Variants in CDON observed in about 807,000 individuals in gnomAD.
CDON encodes cell adhesion associated, oncogene regulated.
In CDON, 73 loss-of-function variants were observed where a neutral mutation model predicts 120.9. The observed-to-expected ratio is 0.60, with a 90% confidence interval of 0.50 to 0.73. The LOEUF is 0.73. Among genes scored for constraint, CDON ranks in the 30% least tolerant of loss-of-function variants. The pLI is 0.00. For missense variants in CDON, 1,470 were observed against 1,587.3 expected (o/e 0.93, Z 1.26); for synonymous variants, 566 against 573.5 (o/e 0.99, Z 0.19).
At chr11:126,003,792 C>T (rs185470540) in intron 10 of CDON, 110 bp downstream of exon 10, 7 of 1,024,384 alleles carry the variant, frequency 6.8e-6, no homozygotes, top group Non-Finnish European at 1.5e-6. Flanking sequence ...TGCACTCCAG[C>T]CTGCGTGACA....
At chr11:126,047,531 C>T (rs1005829189) in intron 1 of CDON, among the ~76,000 whole-genome samples, 2 of 152,196 alleles carry the variant, frequency 1.3e-5, no homozygotes, top group Admixed American at 1.3e-4. Context: ...AATAAAAGCA[C>T]TCCATCTCAA....
Position 126,015,365 on chromosome 11 carries a change from A to T in CDON, c.1074T>A (p.His358Gln). The T allele has an allele frequency of 1.2e-6, 2 of 1,614,166 alleles. No homozygotes were observed. The highest frequency in any genetic ancestry group is 1.7e-6 in the Non-Finnish European group (2 of 1,180,022). ...TTTTCAGTCCGTTTCCTGCAGTTAG[A>T]TGTCGTGCAGAAGGATGAATAGGCT... ...NAQPIHPSAR[H>Q]LTAGNGLKIS... Residue 358 changes from histidine to glutamine, a missense_variant, in exon 7 of 20, where the codon CAT (histidine) becomes CAA (glutamine). Transcript: ENST00000531738.
chr11:126,023,742 C>G, intron 1 of CDON, among the ~76,000 whole-genome samples: 1 of 152,198 alleles, frequency 6.6e-6, no homozygotes. Flanking sequence ...CTTCCAAGGT[C>G]CTAGGATATC....
intron 1 of CDON, among the ~76,000 whole-genome samples, chr11:126,041,412 C>A (rs11220321): frequency 0.089 from 13,593 of 152,140 alleles, 718 homozygotes; most frequent in Admixed American, 0.14. Flanking sequence ...CTCTAAGGAT[C>A]TGTAGCCAAA....
chr11:126,037,922 A>G (rs1441787030), intron 1 of CDON, among the ~76,000 whole-genome samples: 2 of 152,194 alleles, frequency 1.3e-5, no homozygotes, highest in Admixed American at 6.5e-5. Flanking sequence ...TTAAAAGTTT[A>G]TCTTACACTA....
chr11:126,023,944 C>T (rs1947709804), intron 1 of CDON, among the ~76,000 whole-genome samples: 1 of 152,168 alleles, frequency 6.6e-6, no homozygotes, highest in African/African-American at 2.4e-5. Context: ...TTACTATGTG[C>T]CAGACACCAT....
intron 1 of CDON, among the ~76,000 whole-genome samples, chr11:126,048,242 C>T (rs921210117): frequency 6.1e-5 from 9 of 148,642 alleles, no homozygotes; most frequent in African/African-American, 2.0e-4. Context: ...GACATCGCAC[C>T]ACTGCACTCC....
At chr11:126,059,392 C>T (rs1472952148) in intron 1 of CDON, among the ~76,000 whole-genome samples, 2 of 152,166 alleles carry the variant, frequency 1.3e-5, no homozygotes, top group Non-Finnish European at 2.9e-5. Context: ...GGGCTTTTCT[C>T]TTACAAGATA....
At chr11:125,973,016 G>GTTTTTTTTTT in intron 18 of CDON, among the ~76,000 whole-genome samples, 1 of 70,642 alleles carries the variant, frequency 1.4e-5, no homozygotes, top group Non-Finnish European at 2.8e-5. Context: ...CAATTACTTG[G>GTTTTTTTTTT]TCTTTTTTTT....
intron 7 of CDON, among the ~76,000 whole-genome samples, chr11:126,011,808 A>G (rs1486335966): frequency 1.3e-5 from 2 of 152,232 alleles, no homozygotes; most frequent in African/African-American, 4.8e-5. Context: ...TGTTTTCTTG[A>G]AAACCTTTTT....
In CDON at chr11:125,960,023, C is replaced by T. The variant is rs1945598721; in HGVS notation, c.*919G>A. On this transcript the variant is annotated 3_prime_UTR_variant, in exon 20 of 20. Transcript: ENST00000531738. ...TAATTCATCAAGACCTTACACTCCACCACGTCCATAACACTATGACTAGTG... is the reference window on the plus strand; with the variant it reads ...TAATTCATCAAGACCTTACACTCCATCACGTCCATAACACTATGACTAGTG... 1 of 152,204 alleles carries T rather than the reference C, an allele frequency of 6.6e-6. No individual in the cohort carries two copies. Among genetic ancestry groups the T allele is most frequent in the African/African-American group, 2.4e-5 (1 of 41,462 alleles). 9.4% of individuals were successfully genotyped at this position (152,204 alleles called of 1,614,324 possible).
intron 16 of CDON, among the ~76,000 whole-genome samples, 199 bp from the exon 17 acceptor site, chr11:125,981,528 A>T (rs1946302136): frequency 6.6e-6 from 1 of 152,192 alleles, no homozygotes; most frequent in African/African-American, 2.4e-5. Flanking sequence ...ACTAAAATAA[A>T]AACATTTTTA....
rs563955982 is a variant in CDON, at chr11:125,996,804, T to C, written c.2362+403A>G. Among the ~76,000 whole-genome samples the C allele has an allele frequency of 1.0e-3, 153 of 152,184 alleles. 1 individual carries two copies. Among genetic ancestry groups the C allele is most frequent in the African/African-American group, 2.9e-3 (119 of 41,534 alleles). ...TTTAGGTGACTTATTCTCTTCTTTA[T>C]ATTTTCTTTATTTTCACATTTTTAT... On this transcript the variant is annotated intron_variant, in intron 12 of 19. Transcript: ENST00000531738.
intron 11 of CDON, among the ~76,000 whole-genome samples, chr11:125,999,998 T>C (rs534119775): frequency 6.6e-6 from 1 of 152,354 alleles, no homozygotes; most frequent in African/African-American, 2.4e-5. Flanking sequence ...TGTATCGTCG[T>C]TCTCCTTTGA....
chr11:126,012,750 T>C (rs2134643215), intron 7 of CDON, among the ~76,000 whole-genome samples: 1 of 152,272 alleles, frequency 6.6e-6, no homozygotes, highest in South Asian at 2.1e-4. Flanking sequence ...TCCATCCACC[T>C]TGCTAAATAT....
At chr11:125,962,751 T>C (rs1945679833) in intron 18 of CDON, among the ~76,000 whole-genome samples, 2 of 152,204 alleles carry the variant, frequency 1.3e-5, no homozygotes, top group Non-Finnish European at 2.9e-5. Flanking sequence ...TAGTAAATTT[T>C]CCATTTTAGT....
intron 15 of CDON, among the ~76,000 whole-genome samples, chr11:125,988,270 T>G (rs1946525003): frequency 6.6e-6 from 1 of 152,146 alleles, no homozygotes. Context: ...TCAGATATGA[T>G]AACACTTTAA....
intron 1 of CDON, among the ~76,000 whole-genome samples, chr11:126,053,885 G>T (rs1948627599): frequency 6.6e-6 from 1 of 151,956 alleles, no homozygotes; most frequent in African/African-American, 2.4e-5. Context: ...TCACTGTGTT[G>T]TTGTTTTGTC....
At chr11:125,997,116 GCCA>G in intron 12 of CDON, 88 bp downstream of exon 12, 1 of 1,048,528 alleles carries the variant, frequency 9.5e-7, no homozygotes, top group Non-Finnish European at 1.5e-6. Context: ...TCCAGCCTGG[GCCA>G]ACAGAGTGAG....
Sources: allele counts gnomAD v4.1 joint callset (sites outside exome capture counted in the v4.1 genomes callset), GRCh38; gene constraint gnomAD v4.1.1; transcripts MANE v1.5; gene names NCBI Gene and HGNC (gene_info 2026-07-23, HGNC 2026-07-21).